The following TENM2 variants were observed in gnomAD, a reference collection of about 807,000 sequenced individuals.
TENM2 encodes the protein teneurin transmembrane protein 2.
Under a neutral mutation model 245.2 loss-of-function variants are expected in TENM2, and 52 were observed. The ratio of observed to expected loss-of-function variants is 0.21; its 90% confidence interval spans 0.17 to 0.27. The LOEUF (loss-of-function observed/expected upper bound fraction) is 0.27. Among genes scored for constraint, TENM2 ranks in the 10% least tolerant of loss-of-function variants. The pLI is 1.00. For missense variants in TENM2, 3,046 were observed against 3,666.8 expected (o/e 0.83, Z 4.37); for synonymous variants, 1,363 against 1,438.9 (o/e 0.95, Z 1.19).
chr5:167,316,398 G>A (rs996295438), intron 1 of TENM2, among the ~76,000 whole-genome samples: 2 of 152,186 alleles, frequency 1.3e-5, no homozygotes, highest in African/African-American at 4.8e-5. Flanking sequence ...ATGAGCAGAT[G>A]CAGTATTGGG....
At chr5:167,168,415 C>G in the TENM2 span, 1 of 152,158 alleles carries the variant, frequency 6.6e-6, no homozygotes, top group Non-Finnish European at 1.5e-5. Flanking sequence ...CTGTTGCTAC[C>G]CTTCACAAGT....
intron 2 of TENM2, among the ~76,000 whole-genome samples, chr5:167,615,806 G>T (rs1777757445): frequency 6.6e-6 from 1 of 152,044 alleles, no homozygotes; most frequent in Admixed American, 6.6e-5. Flanking sequence ...TCCTTTTGCT[G>T]GTGGTGGAAA....
At position 167,453,415 on chromosome 5, in the gene TENM2, C is replaced by T. The variant is rs189083186; in HGVS notation, c.502+77942C>T. On this transcript the variant is annotated intron_variant, in intron 2 of 28. Transcript: ENST00000518659. ...GTCACTATTGTTTGAGTAAAAAAGA[C>T]TTACTTGTCCCTTTCCCGGGATAGG... Among the ~76,000 whole-genome samples, 8 of 152,188 alleles carry T rather than the reference C, an allele frequency of 5.3e-5. No homozygotes were observed. In the East Asian group the frequency reaches 1.6e-3, roughly 30 times the overall value.
intron 3 of TENM2, among the ~76,000 whole-genome samples, chr5:167,910,521 CAAAA>C (rs1022779784): frequency 2.0e-5 from 3 of 152,078 alleles, no homozygotes; most frequent in Non-Finnish European, 4.4e-5. Context: ...AAAAAACAAA[CAAAA>C]AGAAACCTTC....
At chr5:167,427,932 G>A (rs34038387) in intron 2 of TENM2, among the ~76,000 whole-genome samples, 36,934 of 128,064 alleles carry the variant, frequency 0.29, 4,340 homozygotes, top group Admixed American at 0.39. Context: ...GGAAGGACGG[G>A]AAGGAAGGGA....
chr5:167,089,574 AT>A, the TENM2 span, among the ~76,000 whole-genome samples: 4 of 151,546 alleles, frequency 2.6e-5, no homozygotes, highest in Admixed American at 1.3e-4. Flanking sequence ...TTAAAACTGG[AT>A]TTTTTTTTCT....
At chr5:168,024,345 G>A (rs1011101929) in intron 5 of TENM2, among the ~76,000 whole-genome samples, 6 of 152,176 alleles carry the variant, frequency 3.9e-5, no homozygotes, top group South Asian at 2.1e-4. Flanking sequence ...CCTGTGTTAC[G>A]TATCGCCAGC....
chr5:167,086,644 A>G, the TENM2 span, among the ~76,000 whole-genome samples: 5 of 151,948 alleles, frequency 3.3e-5, no homozygotes, highest in Non-Finnish European at 7.4e-5. Context: ...TCTCCAGTGC[A>G]CTCTAAGCAG....
At chr5:166,985,533 A>T in the TENM2 span, among the ~76,000 whole-genome samples, 1 of 152,184 alleles carries the variant, frequency 6.6e-6, no homozygotes, top group Non-Finnish European at 1.5e-5. Context: ...AACTTGTGTG[A>T]CCCAAAATCT....
intron 1 of TENM2, among the ~76,000 whole-genome samples, chr5:167,358,026 G>A (rs1173531409): frequency 2.6e-5 from 4 of 152,158 alleles, no homozygotes; most frequent in African/African-American, 9.7e-5. Flanking sequence ...TCTATTAGAG[G>A]TTGCTCCAGG....
intron 13 of TENM2, among the ~76,000 whole-genome samples, chr5:168,178,285 G>C (rs1349836255): frequency 6.6e-6 from 1 of 152,218 alleles, no homozygotes; most frequent in Non-Finnish European, 1.5e-5. Flanking sequence ...AGTTCTGTGT[G>C]ACCTGTCAGT....
chr5:168,236,661 G>A (rs529273041), intron 25 of TENM2, among the ~76,000 whole-genome samples: 16 of 151,900 alleles, frequency 1.1e-4, no homozygotes, highest in East Asian at 5.8e-4. Context: ...CTCACCTGTC[G>A]TTATCCCCCT....
chr5:166,996,046 C>T, the TENM2 span, among the ~76,000 whole-genome samples: 4 of 151,672 alleles, frequency 2.6e-5, no homozygotes, highest in African/African-American at 9.7e-5. Context: ...TAAAGATTAT[C>T]AAAGGAATAA....
At chr5:167,395,702 C>T (rs1029020395) in intron 2 of TENM2, among the ~76,000 whole-genome samples, 1 of 152,088 alleles carries the variant, frequency 6.6e-6, no homozygotes, top group Non-Finnish European at 1.5e-5. Context: ...AAACAAAGTG[C>T]AGTGACTCTT....
chr5:168,248,065 C>G (rs1425662624), exon 27 of TENM2: 1 of 1,613,970 alleles, frequency 6.2e-7, no homozygotes, highest in Non-Finnish European at 8.5e-7. Context: ...AGGGACTCCT[C>G]TGGCTGTGTT....
chr5:168,009,507 C>T (rs1470679713), intron 5 of TENM2, among the ~76,000 whole-genome samples: 1 of 152,090 alleles, frequency 6.6e-6, no homozygotes, highest in Admixed American at 6.5e-5. Flanking sequence ...GCCCTCCTCC[C>T]CCCGCCCTCT....
exon 4 of TENM2, chr5:167,952,752 G>A (rs1780219844): frequency 2.5e-6 from 4 of 1,588,460 alleles, no homozygotes; most frequent in African/African-American, 2.7e-5. Flanking sequence ...CAATGACCTG[G>A]CCACCACACC....
chr5:167,916,678 T>G (rs1167728492), intron 3 of TENM2, among the ~76,000 whole-genome samples: 7 of 152,080 alleles, frequency 4.6e-5, no homozygotes, highest in African/African-American at 1.7e-4. Context: ...CTGAGACGCC[T>G]GTGAGCAGAG....
At chr5:167,859,700 T>C (rs1296095306) in intron 2 of TENM2, among the ~76,000 whole-genome samples, 1 of 75,552 alleles carries the variant, frequency 1.3e-5, no homozygotes, top group African/African-American at 6.5e-5. Context: ...GGAGCCCCTC[T>C]GCCCGGCCAG....
Sources: gnomAD v4.1 joint callset for allele counts (sites outside exome capture counted in the v4.1 genomes callset) on GRCh38, gnomAD v4.1.1 for gene constraint, MANE v1.5 for transcripts, NCBI Gene and HGNC (gene_info 2026-07-23, HGNC 2026-07-21) for gene names.